FTO: variants seen among roughly 807,000 people sequenced by gnomAD.
FTO encodes FTO alpha-ketoglutarate dependent dioxygenase.
In FTO, 47 loss-of-function variants were observed where a neutral mutation model predicts 63.9. The ratio of observed to expected loss-of-function variants is 0.74; its 90% confidence interval spans 0.58 to 0.94. The LOEUF (loss-of-function observed/expected upper bound fraction) is 0.94. Among genes scored for constraint, FTO ranks in the 40% least tolerant of loss-of-function variants. FTO has a pLI of 0.00. For missense variants in FTO, 562 were observed against 618.1 expected (o/e 0.91, Z 0.96); for synonymous variants, 207 against 224.4 (o/e 0.92, Z 0.69).
chr16:53,715,749 T>C lies in FTO; in HGVS notation c.45+11520T>C, dbSNP rs559697904. Among the ~76,000 whole-genome samples the C allele has an allele frequency of 1.3e-4, 20 of 152,324 alleles. No individual in the cohort carries two copies. The South Asian group carries it at 3.7e-3, about 28-fold the overall frequency. ...CTTTGTAAAATTCCCATTTTTTTCATTATAATCTCTTTCCACATACCTTAT... is the reference window on the plus strand; with the variant it reads ...CTTTGTAAAATTCCCATTTTTTTCACTATAATCTCTTTCCACATACCTTAT... On this transcript the variant is annotated intron_variant, in intron 1 of 8. Coordinates refer to ENST00000471389, the MANE Select transcript of FTO (RefSeq NM_001080432.3).
intron 7 of FTO, among the ~76,000 whole-genome samples, chr16:53,902,937 G>A (rs912102451): frequency 1.5e-4 from 23 of 152,086 alleles, no homozygotes; most frequent in Admixed American, 1.5e-3. Flanking sequence ...GCAAGACCTT[G>A]CCTCTACAAA....
chr16:53,806,744 A>G (rs1012356349), intron 1 of FTO, among the ~76,000 whole-genome samples: 3 of 152,198 alleles, frequency 2.0e-5, no homozygotes, highest in South Asian at 2.1e-4. Flanking sequence ...CTTTTTTTCT[A>G]CAAGTAATGA....
chr16:53,990,037 A>G (rs1210070215), intron 8 of FTO, among the ~76,000 whole-genome samples: 1 of 131,370 alleles, frequency 7.6e-6, no homozygotes, highest in Non-Finnish European at 1.6e-5. Flanking sequence ...AATATATGCT[A>G]ATTGACTGTT....
At chr16:54,000,687 G>A (rs766673564) in intron 8 of FTO, among the ~76,000 whole-genome samples, 1 of 152,112 alleles carries the variant, frequency 6.6e-6, no homozygotes, top group Non-Finnish European at 1.5e-5. Context: ...CAACCCTGTG[G>A]TTTTATTTGA....
chr16:53,936,801 A>C (rs2082400991), intron 8 of FTO, among the ~76,000 whole-genome samples: 1 of 152,228 alleles, frequency 6.6e-6, no homozygotes. Flanking sequence ...ATTGCACATT[A>C]GAGAGTGCAT....
intron 8 of FTO, among the ~76,000 whole-genome samples, chr16:54,055,680 AAAAC>A (rs1213235634): frequency 6.6e-6 from 1 of 152,252 alleles, no homozygotes; most frequent in Non-Finnish European, 1.5e-5. Context: ...CTTGGATTAA[AAAAC>A]AAAACAGAAA....
Position 54,121,794 on chromosome 16 carries a change from A to G in FTO, c.*9879A>G, listed in dbSNP as rs939911336. ...CACAGGGCTGACTAAAGGGTGTCCTATTTATAAGTCAGTAAAACACAGCGG... is the reference window on the plus strand; with the variant it reads ...CACAGGGCTGACTAAAGGGTGTCCTGTTTATAAGTCAGTAAAACACAGCGG... On this transcript the variant is annotated 3_prime_UTR_variant, in exon 9 of 9. Transcript: ENST00000471389. The G allele has an allele frequency of 1.3e-5, 2 of 152,252 alleles. No individual in the cohort carries two copies. Among genetic ancestry groups the G allele is most frequent in the South Asian group, 2.1e-4 (1 of 4,818 alleles). 9.4% of individuals were successfully genotyped at this position (152,252 alleles called of 1,614,324 possible).
At chr16:53,730,567 T>G (rs2076250163) in intron 1 of FTO, among the ~76,000 whole-genome samples, 1 of 152,118 alleles carries the variant, frequency 6.6e-6, no homozygotes, top group African/African-American at 2.4e-5. Context: ...CGATCATGGC[T>G]CACTGCAGCC....
chr16:53,800,740 TA>T lies in FTO; in HGVS notation c.46-9399del, dbSNP rs150763868. ...TATGAAATGACTTTTTCTCTTGTAA[TA>T]TTTTTTGTTCTGAATTCCATTTTGT... On this transcript the variant is annotated intron_variant, in intron 1 of 8. Transcript: ENST00000471389. 0.038 allele frequency among the ~76,000 whole-genome samples: 5,825 copies of T among 152,254 alleles called. 487 individuals are homozygous for T. The East Asian group carries it at 0.4, about 10-fold the overall frequency.
chr16:54,109,248 T>A (rs2086822817), intron 8 of FTO, among the ~76,000 whole-genome samples: 1 of 152,236 alleles, frequency 6.6e-6, no homozygotes, highest in Non-Finnish European at 1.5e-5. Flanking sequence ...CTGGCCCAGA[T>A]GGATGCAGTG....
At chr16:53,814,973 G>A (rs995038468) in intron 2 of FTO, 1 of 152,178 alleles carries the variant, frequency 6.6e-6, no homozygotes, top group Non-Finnish European at 1.5e-5. Flanking sequence ...TTGGAAGAAT[G>A]TTCTGGGCCT....
chr16:53,763,932 A>C (rs2077130346), intron 1 of FTO, among the ~76,000 whole-genome samples: 1 of 152,196 alleles, frequency 6.6e-6, no homozygotes, highest in East Asian at 1.9e-4. Flanking sequence ...ATGCCCTGGA[A>C]AGAATCGGGA....
At chr16:53,860,882 A>G (rs111628611) in intron 4 of FTO, among the ~76,000 whole-genome samples, 29 of 35,422 alleles carry the variant, frequency 8.2e-4, no homozygotes, top group African/African-American at 6.4e-3. Flanking sequence ...AATGTTTTTA[A>G]CACACACACA....
chr16:53,844,253 G>T lies in FTO; in HGVS notation c.850G>T (p.Gly284Cys). 1 of 1,613,508 alleles carries T rather than the reference G, an allele frequency of 6.2e-7. No individual in the cohort carries two copies. Among genetic ancestry groups the T allele is most frequent in the Non-Finnish European group, 8.5e-7 (1 of 1,179,586 alleles). The change falls in exon 4 of 9, where the codon GGT (glycine) becomes TGT (cysteine). Residue 284 changes from glycine to cysteine, a missense_variant. By Grantham distance (159) the Gly-to-Cys change is radical. Transcript: ENST00000471389. ...FKISWDIETP[G>C]LAIPLHQGDC... ...GATCTCATGGGACATAGAGACACCT[G>T]GTTTGGCGATACCCCTTCACCAAGG...
chr16:53,886,039 G>A (rs1022759271), intron 6 of FTO, among the ~76,000 whole-genome samples: 1 of 152,174 alleles, frequency 6.6e-6, no homozygotes, highest in South Asian at 2.1e-4. Flanking sequence ...ATAGGTCAGA[G>A]CCCTTATTTT....
At chr16:53,969,458 G>A (rs558766258) in intron 8 of FTO, among the ~76,000 whole-genome samples, 23 of 152,066 alleles carry the variant, frequency 1.5e-4, no homozygotes, top group Admixed American at 1.4e-3. Context: ...TATTTTTTGG[G>A]GGGGGCTTGT....
intron 4 of FTO, among the ~76,000 whole-genome samples, chr16:53,868,667 C>T (rs1167570928): frequency 1.3e-5 from 2 of 151,528 alleles, no homozygotes; most frequent in African/African-American, 4.9e-5. Context: ...TTTTATTTTA[C>T]CTTCACTTAT....
chr16:53,736,263 T>A (rs946475023), intron 1 of FTO, among the ~76,000 whole-genome samples: 2 of 152,050 alleles, frequency 1.3e-5, no homozygotes, highest in African/African-American at 2.4e-5. Context: ...TCTCCTATTT[T>A]GGGCTAAACC....
Position 53,773,761 on chromosome 16 carries a change from A to G in FTO, c.46-36379A>G, listed in dbSNP as rs56351232. Among the ~76,000 whole-genome samples the G allele has an allele frequency of 3.6e-3, 555 of 152,284 alleles. 3 individuals carry two copies. Among genetic ancestry groups the G allele is most frequent in the Middle Eastern group, 0.017 (5 of 294 alleles). Reference sequence around the variant, plus strand: ...GACCAGAATTGTGTGTAACGTAAACATATTTGAGCTTTTATGTAAGGACCT... The same window carrying G: ...GACCAGAATTGTGTGTAACGTAAACGTATTTGAGCTTTTATGTAAGGACCT... On this transcript the variant is annotated intron_variant, in intron 1 of 8. Coordinates refer to ENST00000471389, the MANE Select transcript of FTO (RefSeq NM_001080432.3).
Sources: allele counts gnomAD v4.1 joint callset (sites outside exome capture counted in the v4.1 genomes callset), GRCh38; gene constraint gnomAD v4.1.1; transcripts MANE v1.5; gene names NCBI Gene and HGNC (gene_info 2026-07-23, HGNC 2026-07-21).